The following ARID3B variants were observed in gnomAD, a reference collection of about 807,000 sequenced individuals.
The protein encoded by ARID3B is AT-rich interactive domain-containing protein 3B.
A neutral mutation model predicts 51.9 loss-of-function variants in ARID3B; 10 were observed. That is an observed-to-expected ratio of 0.19 (90% CI 0.12 to 0.33). ARID3B has a LOEUF of 0.33. ARID3B is among the 10% of genes least tolerant of loss of function. The probability of loss-of-function intolerance (pLI) is 1.00; values close to 1 mark genes in which losing one functional copy is unlikely to be tolerated. For synonymous variants in ARID3B, 205 were observed against 279.5 expected (o/e 0.73, Z 2.66); for missense variants, 483 against 716.3 (o/e 0.67, Z 3.72).
Position 74,595,494 on chromosome 15 carries a change from C to T in ARID3B, c.1520-117C>T, listed in dbSNP as rs2061821058. Reference sequence around the variant, plus strand: ...GATCTTCTCCCATCACCCCCTAGCACAGTGTCTACAGCGGAGTCAGGCACA... The same window carrying T: ...GATCTTCTCCCATCACCCCCTAGCATAGTGTCTACAGCGGAGTCAGGCACA... On this transcript the variant is annotated intron_variant, in intron 8 of 8. Coordinates refer to ENST00000346246, the MANE Select transcript of ARID3B (RefSeq NM_006465.4). The T allele has an allele frequency of 1.2e-5, 14 of 1,159,590 alleles. No individual in the cohort carries two copies. In the South Asian group the frequency reaches 1.9e-4, roughly 16 times the overall value. The allele number at this position is 1,159,590 out of a possible 1,614,324, so 71.8% of individuals were successfully genotyped here.
chr15:74,580,223 T>A (rs1195166818), intron 4 of ARID3B, among the ~76,000 whole-genome samples: 3 of 152,120 alleles, frequency 2.0e-5, no homozygotes, highest in Non-Finnish European at 4.4e-5. Context: ...TTGGCAAACA[T>A]AAAGCCAAAA....
Position 74,596,519 on chromosome 15 carries a change from G to A in ARID3B, c.*745G>A. ...TCTGACCGCCCCCGCCAAACCTCAT[G>A]CTCCCCACTTGCCCTTATTGGCCTG... On this transcript the variant is annotated 3_prime_UTR_variant, in exon 9 of 9. Transcript: ENST00000346246. 2 of 233,650 alleles carry A rather than the reference G, an allele frequency of 8.6e-6. No homozygotes were observed. The highest frequency in any genetic ancestry group is 8.5e-6 in the Non-Finnish European group (1 of 118,130). 14.5% of individuals were successfully genotyped at this position (233,650 alleles called of 1,614,324 possible). A position where few individuals can be genotyped will look rare whatever the true frequency, so the allele number is the denominator to read the frequency against.
intron 4 of ARID3B, among the ~76,000 whole-genome samples, chr15:74,589,183 A>G (rs930740120): frequency 6.6e-6 from 1 of 151,618 alleles, no homozygotes; most frequent in East Asian, 1.9e-4. Flanking sequence ...GCCTGCCACC[A>G]TGCCAGGCTA....
chr15:74,553,803 T>TTTTATTTATTTATTTATTTA (rs202077230), intron 2 of ARID3B, among the ~76,000 whole-genome samples: 3 of 150,136 alleles, frequency 2.0e-5, no homozygotes, highest in African/African-American at 7.3e-5. Flanking sequence ...GTTTTTTAAT[T>TTTTATTTATTTATTTATTTA]TTTATTTATT....
At chr15:74,593,975 C>T (rs1415817965) in intron 8 of ARID3B, among the ~76,000 whole-genome samples, 1 of 150,752 alleles carries the variant, frequency 6.6e-6, no homozygotes, top group African/African-American at 2.4e-5. Flanking sequence ...CCCAGGAGGT[C>T]GAGGCTGCAG....
chr15:74,576,403 G>A (rs1028383684), intron 4 of ARID3B, among the ~76,000 whole-genome samples: 1 of 152,208 alleles, frequency 6.6e-6, no homozygotes. Flanking sequence ...GCTGAGTGTG[G>A]TGGCTCACGC....
At chr15:74,577,321 A>G (rs550303588) in intron 4 of ARID3B, among the ~76,000 whole-genome samples, 1 of 151,906 alleles carries the variant, frequency 6.6e-6, no homozygotes, top group South Asian at 2.1e-4. Context: ...TAAAAAAAAA[A>G]AAAAGAAGAT....
intron 2 of ARID3B, among the ~76,000 whole-genome samples, chr15:74,546,176 C>A (rs2061614886): frequency 6.6e-6 from 1 of 152,246 alleles, no homozygotes; most frequent in African/African-American, 2.4e-5. Context: ...ACGACAGCAG[C>A]ACCCTGGCCG....
intron 8 of ARID3B, among the ~76,000 whole-genome samples, chr15:74,594,447 CAAAA>C (rs922477270): frequency 7.0e-6 from 1 of 143,628 alleles, no homozygotes; most frequent in African/African-American, 2.6e-5. Context: ...GACTCCGTCT[CAAAA>C]AAAAAAAGCA....
intron 4 of ARID3B, chr15:74,574,596 A>G (rs1440279882): frequency 6.6e-6 from 1 of 152,212 alleles, no homozygotes; most frequent in Non-Finnish European, 1.5e-5. Context: ...AAGGCAATCG[A>G]AAGTTTTGAA....
intron 7 of ARID3B, among the ~76,000 whole-genome samples, chr15:74,592,873 C>T (rs1402434139): frequency 6.6e-6 from 1 of 152,170 alleles, no homozygotes; most frequent in Non-Finnish European, 1.5e-5. Flanking sequence ...GTGGTGGGGC[C>T]GGAGCCGGCC....
intron 2 of ARID3B, among the ~76,000 whole-genome samples, chr15:74,556,284 C>T (rs2061657352): frequency 6.6e-6 from 1 of 152,126 alleles, no homozygotes; most frequent in African/African-American, 2.4e-5. Flanking sequence ...GATGGAGGAA[C>T]AGCTAGGGTG....
chr15:74,550,699 T>G (rs1321321829), intron 2 of ARID3B, among the ~76,000 whole-genome samples: 1 of 150,100 alleles, frequency 6.7e-6, no homozygotes, highest in East Asian at 2.0e-4. Context: ...AGAGTGAGTG[T>G]CCATCTCAAA....
intron 4 of ARID3B, chr15:74,574,442 C>G (rs1000415285): frequency 6.6e-6 from 1 of 152,264 alleles, no homozygotes; most frequent in African/African-American, 2.4e-5. Context: ...CTGGGCCAAG[C>G]TGTAATGGCA....
chr15:74,541,864 C>T (rs985884933), intron 1 of ARID3B, among the ~76,000 whole-genome samples: 4 of 151,952 alleles, frequency 2.6e-5, no homozygotes, highest in African/African-American at 9.7e-5. Flanking sequence ...GGGGGAGGGG[C>T]CCGTGTGAAG....
Position 74,593,170 on chromosome 15 carries a change from A to G in ARID3B, c.1453A>G (p.Asn485Asp), listed in dbSNP as rs1448637745. The G allele has an allele frequency of 3.7e-6, 6 of 1,613,758 alleles. No homozygotes were observed. The highest frequency in any genetic ancestry group is 2.2e-5 in the South Asian group (2 of 91,072). ...DRAEASAAAL[N>D]LTTSSIGSIN... Reference sequence around the variant, plus strand: ...AGCAGAGGCCTCGGCTGCAGCACTGAACCTGACCACGAGTAGCATTGGGAG... The same window carrying G: ...AGCAGAGGCCTCGGCTGCAGCACTGGACCTGACCACGAGTAGCATTGGGAG... The change falls in exon 8 of 9, where the codon AAC becomes GAC. Residue 485 changes from asparagine to aspartate, a missense_variant. By Grantham distance (23) the Asn-to-Asp change is conservative. Around this residue, in one of 3 missense-constraint regions of ARID3B, gnomAD observed 265 missense variants for 354.4 expected, o/e 0.75. Transcript: ENST00000346246.
At chr15:74,554,643 C>T (rs2061650581) in intron 2 of ARID3B, among the ~76,000 whole-genome samples, 1 of 152,100 alleles carries the variant, frequency 6.6e-6, no homozygotes, top group African/African-American at 2.4e-5. Flanking sequence ...CTATACTTTT[C>T]TTGTTTTCTC....
intron 8 of ARID3B, among the ~76,000 whole-genome samples, chr15:74,594,760 A>G (rs925586391): frequency 1.3e-5 from 2 of 151,432 alleles, no homozygotes; most frequent in African/African-American, 4.8e-5. Flanking sequence ...AGTGGTGCCA[A>G]GTGGGCTCAC....
At chr15:74,561,575 A>G (rs1329166426) in intron 2 of ARID3B, among the ~76,000 whole-genome samples, 1 of 152,220 alleles carries the variant, frequency 6.6e-6, no homozygotes, top group East Asian at 1.9e-4. Flanking sequence ...CCTGCCTGCA[A>G]TTGATTCCCA....
Sources: gnomAD v4.1 joint callset for allele counts (sites outside exome capture counted in the v4.1 genomes callset) on GRCh38, gnomAD v4.1.1 for gene constraint, gnomAD v4.1.1 regional missense constraint, MANE v1.5 for transcripts, NCBI Gene and HGNC (gene_info 2026-07-23, HGNC 2026-07-21) for gene names.